The following SLC44A3 variants were observed in gnomAD, a reference collection of about 807,000 sequenced individuals.
SLC44A3 encodes solute carrier family 44 member 3.
In SLC44A3, 74 loss-of-function variants were observed where a neutral mutation model predicts 75.4. The ratio of observed to expected loss-of-function variants is 0.98; its 90% CI spans 0.81 to 1.19. The LOEUF (loss-of-function observed/expected upper bound fraction) is 1.19. Among genes scored for constraint, SLC44A3 ranks in the 50% most tolerant of loss-of-function variants. SLC44A3 has a pLI of 0.00. For missense variants in SLC44A3, 700 were observed against 778.6 expected (o/e 0.90, Z 1.20); for synonymous variants, 310 against 296.9 (o/e 1.04, Z -0.45).
At chr1:94,855,590 C>T (rs1468031307) in intron 9 of SLC44A3, among the ~76,000 whole-genome samples, 3 of 152,198 alleles carry the variant, frequency 2.0e-5, no homozygotes, top group Non-Finnish European at 2.9e-5. Flanking sequence ...GCCTCCAAGC[C>T]AAAGTGAGCC....
chr1:94,892,313 A>G lies in SLC44A3; in HGVS notation c.1653A>G (p.Gly551=). 6.2e-7 allele frequency: 1 copy of G among 1,614,040 alleles called. No homozygotes were observed. Among genetic ancestry groups the G allele is most frequent in the Non-Finnish European group, 8.5e-7 (1 of 1,180,020 alleles). The change falls in exon 14 of 15, where the codon GGA becomes GGG. Residue 551 remains glycine (G), a synonymous_variant. Transcript: ENST00000271227. ...VLVVCFTVFG[G]LMAFNYNRAF... Reference sequence around the variant, plus strand: ...TGGTGTGTTTCACTGTTTTTGGAGGACTCATGGCTTTTAACTACAATCGGG... The same window carrying G: ...TGGTGTGTTTCACTGTTTTTGGAGGGCTCATGGCTTTTAACTACAATCGGG...
Position 94,841,886 on chromosome 1 carries a change from A to G in SLC44A3, c.761-114A>G, listed in dbSNP as rs1370796665. ...CCGGGTATTTGGGACCCACTGCCAGAGCAGTGCCACGCGGCCGGTGGGCAG... is the reference window on the plus strand; with the variant it reads ...CCGGGTATTTGGGACCCACTGCCAGGGCAGTGCCACGCGGCCGGTGGGCAG... On this transcript the variant is annotated intron_variant, in intron 7 of 14. Transcript: ENST00000271227. 7 of 1,381,544 alleles carry G rather than the reference A, an allele frequency of 5.1e-6. No homozygotes were observed. The African/African-American group carries it at 5.9e-5, about 12-fold the overall frequency. 85.6% of individuals were successfully genotyped at this position (1,381,544 alleles called of 1,614,324 possible).
rs1486002356 is a variant in SLC44A3 at position 94,842,119 on chromosome 1, A to C, written c.880A>C (p.Ile294Leu). The C allele has an allele frequency of 1.9e-6, 3 of 1,606,030 alleles. No individual in the cohort carries two copies. In the Admixed American group the frequency reaches 5.1e-5, roughly 27 times the overall value. The part of the protein sequence containing the change: ...VLGFAIVSTG[I>L]TAVLLVLIFV... ...GGGGTTTGCTATCGTATCCACAGGC[A>C]TCACGGTAAGAAATGCTCTTCTAGC... The change falls in exon 8 of 15, where the codon ATC becomes CTC. Residue 294 changes from isoleucine to leucine, a missense_variant. Ile to Leu is a conservative substitution (Grantham distance 5). Transcript: ENST00000271227.
chr1:94,892,270 C>CTTTTGCACAGGTGTTAGTGGTGTG lies in SLC44A3; in HGVS notation c.1621-7_1637dup. ...TCATAAAGATTTTCAACAAACTCTT[C>CTTTTGCACAGGTGTTAGTGGTGTG]TTTTGCACAGGTGTTAGTGGTGTGT... On this transcript the variant is annotated splice_polypyrimidine_tract_variant and intron_variant, in intron 13 of 14. Coordinates refer to ENST00000271227, the MANE Select transcript of SLC44A3 (RefSeq NM_001114106.3). The CTTTTGCACAGGTGTTAGTGGTGTG allele has an allele frequency of 1.9e-6, 3 of 1,603,740 alleles. No homozygotes were observed. The highest frequency in any genetic ancestry group is 2.6e-6 in the Non-Finnish European group (3 of 1,175,948).
intron 9 of SLC44A3, among the ~76,000 whole-genome samples, chr1:94,849,303 C>T (rs539491621): frequency 6.6e-6 from 1 of 152,234 alleles, no homozygotes; most frequent in East Asian, 1.9e-4. Context: ...ATGAGCAGGT[C>T]GATTTTAGGC....
chr1:94,867,211 C>G, intron 11 of SLC44A3, 120 bp from the exon 12 acceptor site: 1 of 714,092 alleles, frequency 1.4e-6, no homozygotes, highest in Non-Finnish European at 2.2e-6. Context: ...AGAACTTCTC[C>G]CACGCCACCA....
intron 9 of SLC44A3, among the ~76,000 whole-genome samples, chr1:94,848,135 A>G (rs1263470712): frequency 6.6e-6 from 1 of 151,876 alleles, no homozygotes; most frequent in Non-Finnish European, 1.5e-5. Context: ...AGGCTGAGGC[A>G]GGAGAATAGC....
rs972419914 is a variant in SLC44A3 at position 94,880,888 on chromosome 1, AT to A, written c.1483-10233del. 1.8e-3 allele frequency among the ~76,000 whole-genome samples: 199 copies of A among 107,926 alleles called. 1 individual carries two copies. The highest frequency in any genetic ancestry group is 6.8e-3 in the African/African-American group (186 of 27,430). The allele number at this position is 107,926 out of a possible 152,430, so 70.8% of individuals were successfully genotyped here. On this transcript the variant is annotated intron_variant, in intron 12 of 14. Transcript: ENST00000271227. Reference sequence around the variant, plus strand: ...CTAAGATGGTAAATGAATGTTCTACATTTTTTTTTAATGACAAAAAAAAAAA... The same window carrying A: ...CTAAGATGGTAAATGAATGTTCTACATTTTTTTTAATGACAAAAAAAAAAA...
intron 8 of SLC44A3, among the ~76,000 whole-genome samples, chr1:94,844,429 T>C (rs1450486298): frequency 1.3e-5 from 2 of 152,076 alleles, no homozygotes; most frequent in Non-Finnish European, 2.9e-5. Context: ...GGAAGGATGC[T>C]GAAAGCACAG....
intron 5 of SLC44A3, among the ~76,000 whole-genome samples, chr1:94,835,729 TA>T (rs994170528): frequency 3.9e-5 from 6 of 152,330 alleles, no homozygotes; most frequent in African/African-American, 1.4e-4. Context: ...GAATTTTTAT[TA>T]TCTTTGAGCT....
chr1:94,859,285 C>A (rs1666287650), intron 10 of SLC44A3, among the ~76,000 whole-genome samples: 1 of 152,170 alleles, frequency 6.6e-6, no homozygotes, highest in Admixed American at 6.5e-5. Flanking sequence ...CATTTATCTC[C>A]TAATCTCTTC....
intron 3 of SLC44A3, among the ~76,000 whole-genome samples, chr1:94,826,973 C>T (rs1661438975): frequency 6.6e-6 from 1 of 152,186 alleles, no homozygotes; most frequent in Non-Finnish European, 1.5e-5. Flanking sequence ...CCCCTCTGCC[C>T]TGCCCCTGGG....
intron 14 of SLC44A3, among the ~76,000 whole-genome samples, chr1:94,894,107 C>T (rs548216681): frequency 1.1e-4 from 16 of 151,946 alleles, no homozygotes; most frequent in South Asian, 4.2e-4. Flanking sequence ...CCACCTCCCC[C>T]CCAAAAAAAA....
At position 94,842,144 on chromosome 1, in the gene SLC44A3, CAGT is replaced by C; in HGVS notation, c.885+23_885+25del. ...ATCACGGTAAGAAATGCTCTTCTAG[CAGT>C]AGGTCAGGTAGCCAGCCAGGACTCT... On this transcript the variant is annotated intron_variant, in intron 8 of 14. Transcript: ENST00000271227. 6.3e-7 allele frequency: 1 copy of C among 1,585,456 alleles called. No individual in the cohort carries two copies. The highest frequency in any genetic ancestry group is 8.6e-7 in the Non-Finnish European group (1 of 1,167,690).
intron 10 of SLC44A3, among the ~76,000 whole-genome samples, chr1:94,861,543 C>T: frequency 6.6e-6 from 1 of 152,160 alleles, no homozygotes; most frequent in Non-Finnish European, 1.5e-5. Flanking sequence ...TAATATAACA[C>T]ACAATGATTT....
At chr1:94,864,102 T>C (rs1374456046) in intron 10 of SLC44A3, among the ~76,000 whole-genome samples, 2 of 152,154 alleles carry the variant, frequency 1.3e-5, no homozygotes, top group African/African-American at 4.8e-5. Context: ...CTTTCTCACT[T>C]TTTTTTCCCT....
intron 9 of SLC44A3, 64 bp from the exon 10 acceptor site, chr1:94,857,271 G>A: frequency 6.9e-7 from 1 of 1,445,796 alleles, no homozygotes; most frequent in Non-Finnish European, 9.2e-7. Context: ...AACATGGCTT[G>A]TTGAACCATG....
rs370393089 is a variant in SLC44A3 at position 94,889,553 on chromosome 1, C to CACA, written c.1483-1576_1483-1575insCAA. ...ACACACACACACACACACACACACA[C>CACA]ATTTGTAGTCTTTGATATAGTAATC... On this transcript the variant is annotated intron_variant, in intron 12 of 14. Transcript: ENST00000271227. Among the ~76,000 whole-genome samples the CACA allele has an allele frequency of 6.1e-4, 91 of 149,532 alleles. 1 individual carries two copies. Among genetic ancestry groups the CACA allele is most frequent in the East Asian group, 2.2e-3 (11 of 5,066 alleles).
At chr1:94,824,194 G>A (rs1660986466) in intron 2 of SLC44A3, among the ~76,000 whole-genome samples, 2 of 152,014 alleles carry the variant, frequency 1.3e-5, no homozygotes, top group Non-Finnish European at 2.9e-5. Flanking sequence ...AGTAAAGTTA[G>A]ACCAAAAAGA....
Sources: gnomAD v4.1 joint callset for allele counts (sites outside exome capture counted in the v4.1 genomes callset) on GRCh38, gnomAD v4.1.1 for gene constraint, MANE v1.5 for transcripts, NCBI Gene and HGNC (gene_info 2026-07-23, HGNC 2026-07-21) for gene names.